Variants in MMP10 observed in about 807,000 individuals in gnomAD.
MMP10 encodes the protein matrix metallopeptidase 10.
In MMP10, 50 loss-of-function variants were observed where a neutral mutation model predicts 49.1. That is an observed-to-expected ratio of 1.02 (90% confidence interval 0.81 to 1.29). The LOEUF is 1.29. MMP10 is among the 50% of genes most tolerant of loss of function. The probability of loss-of-function intolerance (pLI) is 0.00; values close to 1 mark genes in which losing one functional copy is unlikely to be tolerated. For missense variants in MMP10, 613 were observed against 563.8 expected (o/e 1.09, Z -0.88); for synonymous variants, 229 against 201.6 (o/e 1.14, Z -1.15).
intron 9 of MMP10, among the ~76,000 whole-genome samples, 155 bp downstream of exon 9, chr11:102,771,857 T>C (rs1384929701): frequency 6.6e-6 from 1 of 151,624 alleles, no homozygotes; most frequent in Non-Finnish European, 1.5e-5. Flanking sequence ...TTAAACCCAC[T>C]TTGCATAAAT....
Position 102,778,156 on chromosome 11 carries a change from C to T in MMP10, c.622+468G>A, listed in dbSNP as rs146350834. The stretch of plus-strand genomic sequence containing the variant: ...AGCTAGAGACAGTGACATGTTTATT[C>T]GAAAAGATGACCTAACAGTTTTTTT... On this transcript the variant is annotated intron_variant, in intron 4 of 9. Transcript: ENST00000279441. 2.6e-3 allele frequency among the ~76,000 whole-genome samples: 393 copies of T among 152,112 alleles called. 3 individuals are homozygous for T. Among genetic ancestry groups the T allele is most frequent in the African/African-American group, 8.7e-3 (359 of 41,468 alleles).
chr11:102,775,331 A>G lies in MMP10; in HGVS notation c.933-10T>C, dbSNP rs763178546. 2.1e-5 allele frequency: 33 copies of G among 1,576,918 alleles called. No individual in the cohort carries two copies. The highest frequency in any genetic ancestry group is 2.8e-5 in the Non-Finnish European group (33 of 1,163,548). On this transcript the variant is annotated splice_polypyrimidine_tract_variant and intron_variant, in intron 6 of 9. Coordinates refer to ENST00000279441, the MANE Select transcript of MMP10 (RefSeq NM_002425.3). ...TCTTCGCCAAAAATATCTGTAATACATAAAATTACTTGCAATTGTCTTTCT... is the reference window on the plus strand; with the variant it reads ...TCTTCGCCAAAAATATCTGTAATACGTAAAATTACTTGCAATTGTCTTTCT...
rs370246000 is a variant in MMP10 at position 102,776,327 on chromosome 11, G to C, written c.885C>G (p.Phe295Leu). 6.2e-7 allele frequency: 1 copy of C among 1,613,832 alleles called. No homozygotes were observed. Among genetic ancestry groups the C allele is most frequent in the Non-Finnish European group, 8.5e-7 (1 of 1,179,836 alleles). ...CTCCCCTCAGAGTGCTGATGGCATC[G>C]AAGGACAAAGCAGGATCACACTTGG... ...MPAKCDPALS[F>L]DAISTLRGEY... The change falls in exon 6 of 10, where the codon TTC (phenylalanine) becomes TTG (leucine). Residue 295 changes from phenylalanine (F) to leucine (L), a missense_variant. Physicochemically the swap from Phe to Leu is conservative, Grantham distance 22. Transcript: ENST00000279441.
At chr11:102,774,746 T>C (rs890380724) in intron 7 of MMP10, among the ~76,000 whole-genome samples, 4 of 152,190 alleles carry the variant, frequency 2.6e-5, no homozygotes, top group Non-Finnish European at 5.9e-5. Context: ...CATTAGTTAA[T>C]TTATCTCTCC....
chr11:102,773,551 A>G (rs1861995182), intron 7 of MMP10, among the ~76,000 whole-genome samples: 3 of 152,202 alleles, frequency 2.0e-5, no homozygotes, highest in Admixed American at 2.0e-4. Context: ...TCACTGCCAG[A>G]TTCACTAATC....
At position 102,772,217 on chromosome 11, in the gene MMP10, AC is replaced by A. The variant is rs1861982820; in HGVS notation, c.1227-103del. The stretch of plus-strand genomic sequence containing the variant: ...TTTTCCAGTGTGGAATCCTAGACAA[AC>A]TTTTTAAGTTGTGTAAAAAAGTGTT... On this transcript the variant is annotated intron_variant, in intron 8 of 9. Coordinates refer to ENST00000279441, the MANE Select transcript of MMP10 (RefSeq NM_002425.3). The surrounding 1 kb of genome is among the most constrained non-coding windows in gnomAD (Gnocchi z 4.4). The A allele has an allele frequency of 8.5e-6, 6 of 706,334 alleles. No homozygotes were observed. Among genetic ancestry groups the A allele is most frequent in the African/African-American group, 7.3e-5 (4 of 54,672 alleles). 43.8% of individuals were successfully genotyped at this position (706,334 alleles called of 1,614,324 possible).
At position 102,776,711 on chromosome 11, in the gene MMP10, T is replaced by C. The variant is rs199916865; in HGVS notation, c.688A>G (p.Asn230Asp). The stretch of plus-strand genomic sequence containing the variant: ...AGTGGGTACATCAAAGCTTCAGTGT[T>C]GGCTGAGTGAAAGAGCCCCAGGGAG... ...GHSLGLFHSANTEALMYPLYN... is the reference protein window; with the variant it reads ...GHSLGLFHSADTEALMYPLYN... Residue 230 changes from asparagine (N) to aspartate (D), a missense_variant, in exon 5 of 10, where the codon AAC becomes GAC. Physicochemically the swap from Asn to Asp is conservative, Grantham distance 23. Transcript: ENST00000279441. The C allele has an allele frequency of 5.0e-6, 8 of 1,613,940 alleles. No homozygotes were observed. The highest frequency in any genetic ancestry group is 1.6e-4 in the Middle Eastern group (1 of 6,072).
At chr11:102,776,861 C>T (rs945692932) in intron 4 of MMP10, 85 bp from the exon 5 acceptor site, 19 of 1,489,778 alleles carry the variant, frequency 1.3e-5, no homozygotes, top group Non-Finnish European at 1.7e-5. Flanking sequence ...CTGTACAGGC[C>T]ATCCTTGAAA....
At chr11:102,774,559 T>C (rs556789692) in intron 7 of MMP10, among the ~76,000 whole-genome samples, 1 of 152,250 alleles carries the variant, frequency 6.6e-6, no homozygotes, top group Middle Eastern at 3.4e-3. Context: ...CAAAATAATT[T>C]TCCAAAAACT....
chr11:102,779,851 TATCAC>T (rs1257119426), intron 1 of MMP10, 106 bp from the exon 2 acceptor site: 1 of 1,282,590 alleles, frequency 7.8e-7, no homozygotes, highest in Non-Finnish European at 1.1e-6. Context: ...CAAAAGAGGC[TATCAC>T]ATTTAATTTG....
Position 102,772,838 on chromosome 11 carries a change from G to A in MMP10, c.1226+9C>T. ...GGCTTCATAGAAAGTCATTTCTCTT[G>A]CATCTCACCTCCAGTATTTGTCCGC... On this transcript the variant is annotated intron_variant, in intron 8 of 9. Coordinates refer to ENST00000279441, the MANE Select transcript of MMP10 (RefSeq NM_002425.3). The surrounding 1 kb of genome is among the most constrained non-coding windows in gnomAD (Gnocchi z 4.4). The A allele has an allele frequency of 6.2e-7, 1 of 1,603,084 alleles. No individual in the cohort carries two copies. Among genetic ancestry groups the A allele is most frequent in the Non-Finnish European group, 8.5e-7 (1 of 1,175,838 alleles).
intron 4 of MMP10, among the ~76,000 whole-genome samples, chr11:102,778,366 A>G (rs1470267947): frequency 6.6e-6 from 1 of 152,212 alleles, no homozygotes; most frequent in Non-Finnish European, 1.5e-5. Flanking sequence ...TCAAACCCCC[A>G]CAAGATCCTG....
chr11:102,772,083 C>T lies in MMP10; in HGVS notation c.1259G>A (p.Gly420Asp), dbSNP rs765104051. The T allele has an allele frequency of 1.2e-6, 2 of 1,613,252 alleles. No homozygotes were observed. The highest frequency in any genetic ancestry group is 1.7e-6 in the Non-Finnish European group (2 of 1,179,450). Residue 420 changes from glycine to aspartate, a missense_variant, in exon 9 of 10, where the codon GGC becomes GAC. Physicochemically the swap from Gly to Asp is moderately conservative, Grantham distance 94. Coordinates refer to ENST00000279441, the MANE Select transcript of MMP10 (RefSeq NM_002425.3). This position sits in a 1 kb window ranked among gnomAD's most constrained non-coding sequence, Gnocchi z 4.4. The part of the protein sequence containing the change: ...FDENSQSMEQ[G>D]FPRLIADDFP... ...GTCATCAGCTATTAGTCTAGGGAAG[C>T]CTTGCTCCATGGACTGGCTATTTTC...
At chr11:102,775,158 A>G in intron 7 of MMP10, 30 bp downstream of exon 7, 2 of 1,462,394 alleles carry the variant, frequency 1.4e-6, no homozygotes, top group Non-Finnish European at 1.8e-6. Context: ...GATTTATTCC[A>G]GCAAGTTGAA....
chr11:102,779,096 CT>C, intron 3 of MMP10, 116 bp downstream of exon 3: 2 of 1,443,656 alleles, frequency 1.4e-6, no homozygotes, highest in South Asian at 2.8e-5. Context: ...ACTTCCCAGC[CT>C]CCAGAATTGT....
At position 102,772,956 on chromosome 11, in the gene MMP10, T is replaced by A; in HGVS notation, c.1117A>T (p.Arg373Ter). 6.2e-7 allele frequency: 1 copy of A among 1,613,668 alleles called. No individual in the cohort carries two copies. The highest frequency in any genetic ancestry group is 8.5e-7 in the Non-Finnish European group (1 of 1,179,722). The change falls in exon 8 of 10, where the codon AGA becomes TGA. Residue 373 changes from arginine (R) to a stop codon, truncating the protein, a stop_gained. Coordinates refer to ENST00000279441, the MANE Select transcript of MMP10 (RefSeq NM_002425.3). LOFTEE classifies it high-confidence loss of function. The surrounding 1 kb of genome is among the most constrained non-coding windows in gnomAD (Gnocchi z 4.4). Reference sequence around the variant, plus strand: ...GGAAAACCCAGGGTATGGATGCCTCTTGGATAACCTGCTTGTACCTCATTT... The same window carrying A: ...GGAAAACCCAGGGTATGGATGCCTCATGGATAACCTGCTTGTACCTCATTT... Reference protein sequence around the residue: ...RGNEVQAGYPRGIHTLGFPPT... With the variant: ...RGNEVQAGYP
At chr11:102,777,229 C>A (rs1857753442) in intron 4 of MMP10, among the ~76,000 whole-genome samples, 1 of 152,102 alleles carries the variant, frequency 6.6e-6, no homozygotes, top group African/African-American at 2.4e-5. Flanking sequence ...ACTTTTAAGC[C>A]AGAAGACTGT....
intron 7 of MMP10, among the ~76,000 whole-genome samples, chr11:102,774,841 A>G (rs1315701280): frequency 6.6e-6 from 1 of 152,234 alleles, no homozygotes; most frequent in African/African-American, 2.4e-5. Flanking sequence ...CACCAGGAGC[A>G]TCCTGGCTAT....
chr11:102,774,125 T>C (rs1003055023), intron 7 of MMP10, among the ~76,000 whole-genome samples: 1 of 152,042 alleles, frequency 6.6e-6, no homozygotes, highest in Non-Finnish European at 1.5e-5. Context: ...CCTATGAGTC[T>C]AGGGAAAAAA....
Sources: gnomAD v4.1 joint callset for allele counts (sites outside exome capture counted in the v4.1 genomes callset) on GRCh38, gnomAD v4.1.1 for gene constraint, Gnocchi (gnomAD v3.1) non-coding constraint, MANE v1.5 for transcripts, NCBI Gene and HGNC (gene_info 2026-07-23, HGNC 2026-07-21) for gene names.